The following UMAD1 variants were observed in gnomAD, a reference collection of about 807,000 sequenced individuals.
UMAD1 encodes UBAP1-MVB12-associated (UMA) domain containing 1.
UMAD1 carries 8 observed loss-of-function variants against 6.1 expected under a neutral mutation model. The ratio of observed to expected loss-of-function variants is 1.30; its 90% CI spans 0.76 to 2.35. UMAD1 has a LOEUF of 2.35. Ranked by LOEUF, UMAD1 falls within the 30% of genes most tolerant of loss-of-function variation. The probability of loss-of-function intolerance (pLI) is 0.00; values close to 1 mark genes in which losing one functional copy is unlikely to be tolerated. For missense variants in UMAD1, 130 were observed against 78.4 expected (o/e 1.66, Z -2.49); for synonymous variants, 56 against 31.4 (o/e 1.78, Z -2.61).
chr7:7,794,345 A>G lies in UMAD1; in HGVS notation c.83-7325A>G, dbSNP rs544474460. 6.6e-5 allele frequency among the ~76,000 whole-genome samples: 10 copies of G among 152,264 alleles called. No individual in the cohort carries two copies. In the East Asian group the frequency reaches 1.7e-3, roughly 26 times the overall value. ...AGGAACAGATGGAGACCAAACTCTCATCTTTATTGCCTATAAAGCTGGTGT... is the reference window on the plus strand; with the variant it reads ...AGGAACAGATGGAGACCAAACTCTCGTCTTTATTGCCTATAAAGCTGGTGT... On this transcript the variant is annotated intron_variant, in intron 2 of 3. Coordinates refer to ENST00000682710, the MANE Select transcript of UMAD1 (RefSeq NM_001302348.2).
intron 2 of UMAD1, among the ~76,000 whole-genome samples, chr7:7,679,721 T>TAC (rs1184114830): frequency 7.1e-6 from 1 of 140,740 alleles, no homozygotes; most frequent in Non-Finnish European, 1.5e-5. Context: ...AATATATATA[T>TAC]ATATATATAT....
intron 3 of UMAD1, among the ~76,000 whole-genome samples, chr7:7,827,381 G>A (rs1351426077): frequency 6.6e-6 from 1 of 151,910 alleles, no homozygotes; most frequent in Non-Finnish European, 1.5e-5. Flanking sequence ...ATAGCAGAGG[G>A]CAGTCCTCCT....
intron 3 of UMAD1, among the ~76,000 whole-genome samples, chr7:7,866,346 C>T (rs914967578): frequency 2.8e-4 from 43 of 152,014 alleles, no homozygotes; most frequent in Admixed American, 1.7e-3. Context: ...GAATTCTAGT[C>T]GAGTGTGATG....
intron 2 of UMAD1, among the ~76,000 whole-genome samples, chr7:7,797,200 TAAAC>T (rs1417229378): frequency 6.6e-6 from 1 of 152,086 alleles, no homozygotes; most frequent in Non-Finnish European, 1.5e-5. Flanking sequence ...GCCAGACTCT[TAAAC>T]AACCACCTCT....
At chr7:7,796,864 C>T (rs1782695154) in intron 2 of UMAD1, among the ~76,000 whole-genome samples, 1 of 152,114 alleles carries the variant, frequency 6.6e-6, no homozygotes, top group East Asian at 1.9e-4. Flanking sequence ...CTCCAAAACC[C>T]TTAAAAACCC....
At chr7:7,833,213 C>A (rs1036347631) in intron 3 of UMAD1, among the ~76,000 whole-genome samples, 3 of 151,998 alleles carry the variant, frequency 2.0e-5, no homozygotes, top group Non-Finnish European at 4.4e-5. Flanking sequence ...ATCGGGCAGG[C>A]CTCACCATGC....
At chr7:7,671,843 C>T (rs1167719372) in intron 1 of UMAD1, among the ~76,000 whole-genome samples, 1 of 152,166 alleles carries the variant, frequency 6.6e-6, no homozygotes, top group East Asian at 1.9e-4. Flanking sequence ...CCAGTAAGCA[C>T]TTTCTTTAAG....
chr7:7,648,160 C>G (rs1046298032), intron 1 of UMAD1, among the ~76,000 whole-genome samples: 7 of 152,150 alleles, frequency 4.6e-5, no homozygotes, highest in South Asian at 2.1e-4. Flanking sequence ...TTAAAGAAGT[C>G]ATTTCGTTCT....
intron 3 of UMAD1, among the ~76,000 whole-genome samples, chr7:7,846,078 C>T (rs1020130851): frequency 2.0e-5 from 3 of 152,060 alleles, no homozygotes; most frequent in Non-Finnish European, 2.9e-5. Context: ...AGAACAGTGT[C>T]GAGTAGTGCT....
chr7:7,767,095 T>C lies in UMAD1; in HGVS notation c.83-34575T>C, dbSNP rs1782000342. The stretch of plus-strand genomic sequence containing the variant: ...CTTCAGAGATGATCATTACTGTTTA[T>C]TGTGAATAGTGAGCATTTCAAGAAA... On this transcript the variant is annotated intron_variant, in intron 2 of 3. Coordinates refer to ENST00000682710, the MANE Select transcript of UMAD1 (RefSeq NM_001302348.2). Among the ~76,000 whole-genome samples, 3 of 151,308 alleles carry C rather than the reference T, an allele frequency of 2.0e-5. No homozygotes were observed. In the South Asian group the frequency reaches 6.3e-4, roughly 32 times the overall value.
At chr7:7,847,358 T>A (rs1328279375) in intron 3 of UMAD1, among the ~76,000 whole-genome samples, 1 of 151,406 alleles carries the variant, frequency 6.6e-6, no homozygotes, top group African/African-American at 2.4e-5. Context: ...TCACTGGATC[T>A]CTGTGAGATA....
intron 1 of UMAD1, among the ~76,000 whole-genome samples, chr7:7,652,863 A>C (rs1785255029): frequency 6.6e-6 from 1 of 152,224 alleles, no homozygotes; most frequent in African/African-American, 2.4e-5. Flanking sequence ...TTGGCAGTTT[A>C]GGGAGTGATT....
At chr7:7,675,234 T>C (rs1341248816) in intron 2 of UMAD1, among the ~76,000 whole-genome samples, 1 of 152,206 alleles carries the variant, frequency 6.6e-6, no homozygotes, top group Non-Finnish European at 1.5e-5. Context: ...ATTTAGAGGC[T>C]GTAAGTTGGG....
Position 7,877,556 on chromosome 7 carries a change from A to G in UMAD1, c.*18A>G, listed in dbSNP as rs1563281277. On this transcript the variant is annotated 3_prime_UTR_variant, in exon 4 of 4. Transcript: ENST00000682710. ...ATTCATAACCTTTATGTCTGTTTGC[A>G]CCTTAACAGCTTTAAAATATGTTCG... 1 of 714,546 alleles carries G rather than the reference A, an allele frequency of 1.4e-6. No homozygotes were observed. The highest frequency in any genetic ancestry group is 1.7e-5 in the African/African-American group (1 of 57,326). 44.3% of individuals were successfully genotyped at this position (714,546 alleles called of 1,614,324 possible). A position where few individuals can be genotyped will look rare whatever the true frequency, so the allele number is the denominator to read the frequency against.
chr7:7,821,219 C>G (rs6979360), intron 3 of UMAD1, among the ~76,000 whole-genome samples: 2,204 of 152,218 alleles, frequency 0.014, 19 homozygotes, highest in African/African-American at 0.016. Flanking sequence ...CTGCCTAATG[C>G]AGTCACCACT....
chr7:7,775,586 A>G (rs897708882), intron 2 of UMAD1, among the ~76,000 whole-genome samples: 2 of 152,230 alleles, frequency 1.3e-5, no homozygotes, highest in African/African-American at 4.8e-5. Flanking sequence ...TCTTCATAGC[A>G]GCATGAGAAT....
chr7:7,663,800 T>C (rs1343268666), intron 1 of UMAD1, among the ~76,000 whole-genome samples: 1 of 152,216 alleles, frequency 6.6e-6, no homozygotes, highest in Non-Finnish European at 1.5e-5. Flanking sequence ...GAAGCATTTT[T>C]ATGGATAGGA....
At chr7:7,799,529 GT>G in intron 2 of UMAD1, among the ~76,000 whole-genome samples, 1 of 152,206 alleles carries the variant, frequency 6.6e-6, no homozygotes, top group Admixed American at 6.5e-5. Context: ...TATAGTGTTT[GT>G]GTGATGGATG....
chr7:7,651,051 G>A lies in UMAD1; in HGVS notation c.-64+10230G>A, dbSNP rs559279143. On this transcript the variant is annotated intron_variant, in intron 1 of 3. Transcript: ENST00000682710. ...TTTGAGCAACCCCTCTGTAGCCAAAGAGAAAGCCCAAAGCAATACCAGAGC... is the reference window on the plus strand; with the variant it reads ...TTTGAGCAACCCCTCTGTAGCCAAAAAGAAAGCCCAAAGCAATACCAGAGC... 5.3e-5 allele frequency among the ~76,000 whole-genome samples: 8 copies of A among 152,256 alleles called. No homozygotes were observed. In the South Asian group the frequency reaches 6.2e-4, roughly 12 times the overall value.
Sources: gnomAD v4.1 joint callset for allele counts (sites outside exome capture counted in the v4.1 genomes callset) on GRCh38, gnomAD v4.1.1 for gene constraint, MANE v1.5 for transcripts, NCBI Gene and HGNC (gene_info 2026-07-23, HGNC 2026-07-21) for gene names.